The following CEP135 variants were observed in gnomAD, a reference collection of about 807,000 sequenced individuals.
The protein encoded by CEP135 is centrosomal protein 135, also known as centrosomal protein of 135 kDa.
A neutral mutation model predicts 157.3 loss-of-function variants in CEP135; 142 were observed. That is an observed-to-expected ratio of 0.90 (90% CI 0.79 to 1.04). The LOEUF (loss-of-function observed/expected upper bound fraction) is 1.04, where lower values mean the gene tolerates loss of function less well. Among genes scored for constraint, CEP135 ranks in the 50% least tolerant of loss-of-function variants. The pLI is 0.00. For missense variants in CEP135, 1,317 were observed against 1,309.2 expected (o/e 1.01, Z -0.09); for synonymous variants, 396 against 439.8 (o/e 0.90, Z 1.25).
rs780006731 is a variant in CEP135 at position 56,010,554 on chromosome 4, G to A, written c.2505+651G>A. On this transcript the variant is annotated intron_variant, in intron 19 of 25. Coordinates refer to ENST00000257287, the MANE Select transcript of CEP135 (RefSeq NM_025009.5). ...TGTCAGAAATCATTGTCACCCTACC[G>A]GGCGAGGACATCAGCATCCCTCCCA... Among the ~76,000 whole-genome samples, 6 of 152,176 alleles carry A rather than the reference G, an allele frequency of 3.9e-5. No individual in the cohort carries two copies. The East Asian group carries it at 5.8e-4, about 15-fold the overall frequency.
chr4:55,981,466 C>A, intron 13 of CEP135, 87 bp downstream of exon 13: 1 of 1,201,334 alleles, frequency 8.3e-7, no homozygotes, highest in Non-Finnish European at 1.1e-6. Context: ...TTACTATTGG[C>A]CAAATCCAGA....
At chr4:56,001,895 CA>C (rs1037202278) in intron 17 of CEP135, among the ~76,000 whole-genome samples, 38 of 151,996 alleles carry the variant, frequency 2.5e-4, no homozygotes, top group African/African-American at 8.5e-4. Context: ...AATATCCTTC[CA>C]TTTTTTTATG....
chr4:55,999,365 A>T lies in CEP135; in HGVS notation c.2073A>T (p.Arg691Ser). Residue 691 changes from arginine (R) to serine (S), a missense_variant, in exon 16 of 26, where the codon AGA (arginine) becomes AGT (serine). Transcript: ENST00000257287. ...ATCAGCACCGACTTTCCATAAAAAG[A>T]GGTGAACTTGAATCAGCCCAAGCAC... ...DDYQHRLSIK[R>S]GELESAQAQI... is the part of the protein sequence containing the mutation. 6.2e-7 allele frequency: 1 copy of T among 1,614,208 alleles called. No homozygotes were observed.
At chr4:56,021,920 C>T (rs1222399155) in intron 24 of CEP135, among the ~76,000 whole-genome samples, 3 of 152,058 alleles carry the variant, frequency 2.0e-5, no homozygotes, top group Non-Finnish European at 4.4e-5. Context: ...GTCCCAGCTA[C>T]TCAGGAAGCC....
intron 5 of CEP135, among the ~76,000 whole-genome samples, chr4:55,957,825 A>C (rs1215263892): frequency 2.0e-5 from 3 of 152,182 alleles, no homozygotes; most frequent in Non-Finnish European, 4.4e-5. Context: ...CATTTGATTG[A>C]AATGTTATTA....
In CEP135 at chr4:55,955,275, G is replaced by C. The variant is rs557392673; in HGVS notation, c.472+892G>C. On this transcript the variant is annotated intron_variant, in intron 4 of 25. Transcript: ENST00000257287. ...TAGGTCAAGACAGATTAAAGAGCAT[G>C]ATGAGTACCAAAAGTAATTTGTTTG... Among the ~76,000 whole-genome samples, 7 of 152,312 alleles carry C rather than the reference G, an allele frequency of 4.6e-5. No homozygotes were observed. In the South Asian group the frequency reaches 8.3e-4, roughly 18 times the overall value.
chr4:55,974,969 G>C lies in CEP135; in HGVS notation c.1473G>C (p.Lys491Asn). The change falls in exon 11 of 26, where the codon AAG becomes AAC. Residue 491 changes from lysine (K) to asparagine (N), a missense_variant and splice_region_variant. Physicochemically the swap from Lys to Asn is moderately conservative, Grantham distance 94. Coordinates refer to ENST00000257287, the MANE Select transcript of CEP135 (RefSeq NM_025009.5). Reference protein sequence around the residue: ...EKSSIFRTPEKGDYNSEIHQI... With the variant: ...EKSSIFRTPENGDYNSEIHQI... The stretch of plus-strand genomic sequence containing the variant: ...GTTCAATATTTAGAACACCAGAAAA[G>C]GTAATGTCCCTTTATAAGAGTAGGC... 6.3e-7 allele frequency: 1 copy of C among 1,585,318 alleles called. No individual in the cohort carries two copies. The highest frequency in any genetic ancestry group is 8.6e-7 in the Non-Finnish European group (1 of 1,163,014).
intron 14 of CEP135, among the ~76,000 whole-genome samples, chr4:55,990,891 A>G (rs901960769): frequency 6.6e-6 from 1 of 152,214 alleles, no homozygotes; most frequent in Admixed American, 6.5e-5. Context: ...CTAAATTTAC[A>G]TCTGTGCATG....
At chr4:55,970,353 GT>G (rs1214825354) in intron 9 of CEP135, among the ~76,000 whole-genome samples, 4 of 152,018 alleles carry the variant, frequency 2.6e-5, no homozygotes. Flanking sequence ...TGCTTATAAG[GT>G]AGAAACTGGG....
chr4:55,985,093 A>G (rs552905104), intron 13 of CEP135, among the ~76,000 whole-genome samples, 188 bp from the exon 14 acceptor site: 1 of 152,356 alleles, frequency 6.6e-6, no homozygotes, highest in South Asian at 2.1e-4. Context: ...ATGAGAACGT[A>G]TTGTGCCTTT....
At position 55,976,524 on chromosome 4, in the gene CEP135, C is replaced by T. The variant is rs1006634177; in HGVS notation, c.1473+1555C>T. 2.6e-5 allele frequency among the ~76,000 whole-genome samples: 4 copies of T among 152,150 alleles called. No homozygotes were observed. In the South Asian group the frequency reaches 8.3e-4, roughly 31 times the overall value. On this transcript the variant is annotated intron_variant, in intron 11 of 25. Transcript: ENST00000257287. ...CTGTGCTGGATTCACAATTGAAAGA[C>T]AAATGTGTGAGACATATTGGTAAGG...
rs755080556 is a variant in CEP135 at position 55,954,227 on chromosome 4, TC to T, written c.317del (p.Ser106TyrfsTer2). 2 of 1,585,250 alleles carry T rather than the reference TC, an allele frequency of 1.3e-6. No homozygotes were observed. Among genetic ancestry groups the T allele is most frequent in the Non-Finnish European group, 1.7e-6 (2 of 1,169,648 alleles). Reference protein sequence around the residue: ...SDQHVKELKTSLKKCARETAD... With the variant: ...SDQHVKELKTXLKKCARETAD... ...TTTTTCATTTTAAGAGTTGAAAACT[TC>T]ATTGAAGAAATGTGCACGTGAAACA... On this transcript the variant is annotated frameshift_variant, in exon 4 of 26. Transcript: ENST00000257287. LOFTEE classifies it high-confidence loss of function.
rs753732546 is a variant in CEP135, at chr4:55,980,285, T to G, written c.1616T>G (p.Leu539Ter). 1.3e-6 allele frequency: 2 copies of G among 1,506,550 alleles called. No individual in the cohort carries two copies. Among genetic ancestry groups the G allele is most frequent in the East Asian group, 4.5e-5 (2 of 44,254 alleles). The allele number at this position is 1,506,550 out of a possible 1,614,324, so 93.3% of individuals were successfully genotyped here. Reference sequence around the variant, plus strand: ...GCAGAAAGAGATAAACTAAGTGTCTTATATAATGAAGTAAGAAATGTATTA... The same window carrying G: ...GCAGAAAGAGATAAACTAAGTGTCTGATATAATGAAGTAAGAAATGTATTA... ...LTAERDKLSV[L>*]YNEAQEELSA... The change falls in exon 12 of 26, where the codon TTA becomes TGA. Residue 539 changes from leucine (L) to a stop codon, truncating the protein, a stop_gained. Coordinates refer to ENST00000257287, the MANE Select transcript of CEP135 (RefSeq NM_025009.5). LOFTEE classifies it high-confidence loss of function.
chr4:55,964,227 G>T lies in CEP135; in HGVS notation c.700-47G>T, dbSNP rs375044660. ...AATGTTTGTACAGTGTTAATCATTT[G>T]GTTGAAAACCAGATTTTTTAAAATG... On this transcript the variant is annotated intron_variant, in intron 6 of 25. Coordinates refer to ENST00000257287, the MANE Select transcript of CEP135 (RefSeq NM_025009.5). 75 of 1,561,804 alleles carry T rather than the reference G, an allele frequency of 4.8e-5. No homozygotes were observed. The African/African-American group carries it at 9.5e-4, about 20-fold the overall frequency.
chr4:56,029,179 G>A (rs775692027), intron 25 of CEP135, among the ~76,000 whole-genome samples: 25 of 152,208 alleles, frequency 1.6e-4, no homozygotes, highest in Non-Finnish European at 3.2e-4. Flanking sequence ...CTCAAGGCGC[G>A]CCACCCTGTA....
rs185308708 is a variant in CEP135, at chr4:55,970,828, C to T, written c.1111-442C>T. On this transcript the variant is annotated intron_variant, in intron 9 of 25. Coordinates refer to ENST00000257287, the MANE Select transcript of CEP135 (RefSeq NM_025009.5). ...TACTTCATAACCATAGATTCATCCTCGCCAGTAAATCCTTAGTGTCCTGGT... is the reference window on the plus strand; with the variant it reads ...TACTTCATAACCATAGATTCATCCTTGCCAGTAAATCCTTAGTGTCCTGGT... 1.5e-4 allele frequency among the ~76,000 whole-genome samples: 23 copies of T among 152,218 alleles called. No homozygotes were observed. In the East Asian group the frequency reaches 3.9e-3, roughly 26 times the overall value.
At chr4:56,021,759 T>C (rs1024522913) in intron 24 of CEP135, among the ~76,000 whole-genome samples, 8 of 152,224 alleles carry the variant, frequency 5.3e-5, no homozygotes, top group African/African-American at 1.9e-4. Context: ...GCTTGGTGGC[T>C]CATGCCTGCA....
chr4:55,976,356 T>G (rs1729216924), intron 11 of CEP135, among the ~76,000 whole-genome samples: 1 of 152,134 alleles, frequency 6.6e-6, no homozygotes, highest in South Asian at 2.1e-4. Context: ...TACTTAGGAC[T>G]CAGGAAAAAT....
intron 4 of CEP135, among the ~76,000 whole-genome samples, chr4:55,956,689 C>G (rs1392465878): frequency 6.6e-6 from 1 of 152,122 alleles, no homozygotes; most frequent in Non-Finnish European, 1.5e-5. Context: ...TGGCCCACCA[C>G]AACCTCGGCC....
Sources: gnomAD v4.1 joint callset for allele counts (sites outside exome capture counted in the v4.1 genomes callset) on GRCh38, gnomAD v4.1.1 for gene constraint, MANE v1.5 for transcripts, NCBI Gene and HGNC (gene_info 2026-07-23, HGNC 2026-07-21) for gene names.